Variants in SEMA6D observed in about 807,000 individuals in gnomAD.
The protein encoded by SEMA6D is semaphorin-6D.
Under a neutral mutation model 106.6 loss-of-function variants are expected in SEMA6D, and 35 were observed. The ratio of observed to expected loss-of-function variants is 0.33; its 90% confidence interval spans 0.25 to 0.44. The LOEUF is 0.44. SEMA6D is among the 20% of genes least tolerant of loss of function. The probability of loss-of-function intolerance (pLI) is 1.00; values close to 1 mark genes in which losing one functional copy is unlikely to be tolerated. For missense variants in SEMA6D, 1,185 were observed against 1,345.9 expected, an observed-to-expected ratio of 0.88 and a Z score of 1.87; for synonymous variants, 499 against 487.7, an observed-to-expected ratio of 1.02 and a Z score of -0.31.
chr15:47,238,809 C>T (rs1225813156), intron 1 of SEMA6D, among the ~76,000 whole-genome samples: 1 of 152,122 alleles, frequency 6.6e-6, no homozygotes, highest in Non-Finnish European at 1.5e-5. Flanking sequence ...TCTGAAGAAT[C>T]AAGATGAGAA....
chr15:47,597,480 G>T (rs2076560394), intron 3 of SEMA6D, among the ~76,000 whole-genome samples: 1 of 151,806 alleles, frequency 6.6e-6, no homozygotes, highest in African/African-American at 2.4e-5. Context: ...ATCAACCCAG[G>T]GATGAATGGA....
intron 3 of SEMA6D, among the ~76,000 whole-genome samples, chr15:47,587,851 A>G (rs1275811210): frequency 1.3e-5 from 2 of 151,960 alleles, no homozygotes; most frequent in African/African-American, 4.8e-5. Flanking sequence ...AATACTAGAA[A>G]GCCTGAATCT....
chr15:47,658,784 A>G (rs868407406), intron 4 of SEMA6D, among the ~76,000 whole-genome samples: 2 of 152,172 alleles, frequency 1.3e-5, no homozygotes, highest in Non-Finnish European at 2.9e-5. Flanking sequence ...TAAGCAAATT[A>G]TATTTAACAA....
chr15:47,592,932 C>T (rs921491450), intron 3 of SEMA6D, among the ~76,000 whole-genome samples: 5 of 152,106 alleles, frequency 3.3e-5, no homozygotes, highest in African/African-American at 1.2e-4. Flanking sequence ...CCTTCGAGAA[C>T]GTATTCACTA....
At chr15:47,359,921 A>G (rs2038735845) in intron 1 of SEMA6D, 1 of 152,222 alleles carries the variant, frequency 6.6e-6, no homozygotes, top group Non-Finnish European at 1.5e-5. Flanking sequence ...ATGGTAGGGC[A>G]ATACTTGATT....
chr15:47,516,766 T>C (rs2044402445), intron 3 of SEMA6D, among the ~76,000 whole-genome samples: 1 of 152,158 alleles, frequency 6.6e-6, no homozygotes, highest in Admixed American at 6.5e-5. Flanking sequence ...TATTGATGAG[T>C]CATAAGATTT....
intron 1 of SEMA6D, among the ~76,000 whole-genome samples, chr15:47,282,284 T>G (rs1440065143): frequency 6.6e-6 from 1 of 152,202 alleles, no homozygotes; most frequent in Non-Finnish European, 1.5e-5. Context: ...GCTTTTCATC[T>G]GTTTTTGAAT....
At chr15:47,583,161 A>G (rs1205332437) in intron 3 of SEMA6D, among the ~76,000 whole-genome samples, 1 of 152,120 alleles carries the variant, frequency 6.6e-6, no homozygotes, top group Non-Finnish European at 1.5e-5. Flanking sequence ...CCCTAAGTCC[A>G]CTTCAGCAGA....
intron 3 of SEMA6D, among the ~76,000 whole-genome samples, chr15:47,579,251 C>T (rs1171164552): frequency 6.6e-6 from 1 of 151,822 alleles, no homozygotes; most frequent in African/African-American, 2.4e-5. Context: ...AAACGATTCT[C>T]CTGCCTCAGC....
At chr15:47,502,055 T>C (rs1656604) in intron 3 of SEMA6D, among the ~76,000 whole-genome samples, 93,369 of 151,972 alleles carry the variant, frequency 0.61, 31,767 homozygotes, top group African/African-American at 0.9. Flanking sequence ...AAATATCTCC[T>C]GATGTTTCCT....
At chr15:47,414,163 A>G (rs571488093) in intron 2 of SEMA6D, among the ~76,000 whole-genome samples, 17 of 152,342 alleles carry the variant, frequency 1.1e-4, no homozygotes, top group African/African-American at 4.1e-4. Context: ...TTATGCATAT[A>G]AAAGTAAATG....
intron 4 of SEMA6D, among the ~76,000 whole-genome samples, chr15:47,628,435 A>G (rs1242708028): frequency 1.3e-5 from 2 of 151,952 alleles, no homozygotes; most frequent in African/African-American, 4.8e-5. Flanking sequence ...TGCTGTCACT[A>G]TTTTTTATTT....
At position 47,197,484 on chromosome 15, in the gene SEMA6D, A is replaced by G. The variant is rs568462511; in HGVS notation, c.-239+13066A>G. On this transcript the variant is annotated intron_variant, in intron 1 of 19. Coordinates refer to the SEMA6D transcript ENST00000558014. ...GCCTTGCTTTGTTAAATTTATCTCA[A>G]AGATTGAACTTGCAAGTGTCTTTTT... Among the ~76,000 whole-genome samples, 8 of 152,070 alleles carry G rather than the reference A, an allele frequency of 5.3e-5. No homozygotes were observed. The South Asian group carries it at 1.2e-3, about 24-fold the overall frequency.
At chr15:47,229,375 C>G (rs2032028601) in intron 1 of SEMA6D, among the ~76,000 whole-genome samples, 1 of 151,854 alleles carries the variant, frequency 6.6e-6, no homozygotes, top group Non-Finnish European at 1.5e-5. Context: ...GCTTTTAGGT[C>G]TCTCCATGTG....
intron 1 of SEMA6D, among the ~76,000 whole-genome samples, chr15:47,729,793 A>C (rs797016403): frequency 1.9e-4 from 29 of 152,372 alleles, no homozygotes; most frequent in African/African-American, 6.5e-4. Flanking sequence ...TCTCTGGTTT[A>C]ATGTAACTTT....
chr15:47,453,390 C>T (rs1396066359), intron 2 of SEMA6D, among the ~76,000 whole-genome samples: 1 of 151,828 alleles, frequency 6.6e-6, no homozygotes, highest in East Asian at 1.9e-4. Flanking sequence ...TGCTAAACCT[C>T]ACATAGAAAT....
intron 1 of SEMA6D, among the ~76,000 whole-genome samples, chr15:47,238,621 A>G (rs1021605145): frequency 2.6e-5 from 4 of 152,122 alleles, no homozygotes; most frequent in African/African-American, 4.8e-5. Flanking sequence ...TTGAAATTCA[A>G]TACGTGATTG....
intron 2 of SEMA6D, among the ~76,000 whole-genome samples, chr15:47,424,324 T>C (rs1340502957): frequency 6.6e-6 from 1 of 151,834 alleles, no homozygotes; most frequent in Non-Finnish European, 1.5e-5. Context: ...AGCCGTAAGA[T>C]ATTGCATACA....
intron 4 of SEMA6D, among the ~76,000 whole-genome samples, chr15:47,657,636 C>T (rs2077822957): frequency 7.1e-6 from 1 of 140,956 alleles, no homozygotes; most frequent in Non-Finnish European, 1.5e-5. Flanking sequence ...CTTTTTTAAT[C>T]ATAGGATCAA....
Sources: allele counts gnomAD v4.1 joint callset (sites outside exome capture counted in the v4.1 genomes callset), GRCh38; gene constraint gnomAD v4.1.1; transcripts MANE v1.5; gene names NCBI Gene and HGNC (gene_info 2026-07-23, HGNC 2026-07-21).